Variants in SULT1E1 observed in about 807,000 individuals in gnomAD.
The protein encoded by SULT1E1 is sulfotransferase 1E1.
In SULT1E1, 36 loss-of-function variants were observed where a neutral mutation model predicts 33.6. The observed-to-expected ratio is 1.07, with a 90% CI of 0.82 to 1.41. The LOEUF is 1.41. SULT1E1 is among the 40% of genes most tolerant of loss of function. The pLI, the probability that SULT1E1 is intolerant of heterozygous loss-of-function variation, is 0.00. For synonymous variants in SULT1E1, 121 were observed against 111.7 expected (o/e 1.08, Z -0.53); for missense variants, 371 against 345.7 (o/e 1.07, Z -0.58).
chr4:69,848,857 A>G (rs1258483463), intron 5 of SULT1E1, among the ~76,000 whole-genome samples: 15 of 151,926 alleles, frequency 9.9e-5, no homozygotes, highest in Non-Finnish European at 1.5e-5. Flanking sequence ...CTTTAGTAAA[A>G]GTGTTTAATA....
rs765212740 is a variant in SULT1E1 at position 69,857,650 on chromosome 4, T to G, written c.-6A>C. The G allele has an allele frequency of 1.9e-6, 3 of 1,581,898 alleles. No individual in the cohort carries two copies. The highest frequency in any genetic ancestry group is 1.7e-6 in the Non-Finnish European group (2 of 1,170,288). On this transcript the variant is annotated 5_prime_UTR_variant, in exon 2 of 8. Coordinates refer to ENST00000226444, the MANE Select transcript of SULT1E1 (RefSeq NM_005420.3). ...TAGTCAAGTTCAGAATTCATTGTGGTACACTGAAAAAAAACCTCTGCTTTA... is the reference window on the plus strand; with the variant it reads ...TAGTCAAGTTCAGAATTCATTGTGGGACACTGAAAAAAAACCTCTGCTTTA...
chr4:69,824,102 C>T, the SULT1E1 span, among the ~76,000 whole-genome samples: 3 of 152,248 alleles, frequency 2.0e-5, no homozygotes, highest in Middle Eastern at 3.4e-3. Context: ...AAGTCATTCT[C>T]GGATTTGATA....
At chr4:69,855,818 A>T (rs1047392370) in intron 2 of SULT1E1, among the ~76,000 whole-genome samples, 1 of 152,212 alleles carries the variant, frequency 6.6e-6, no homozygotes, top group Non-Finnish European at 1.5e-5. Flanking sequence ...TAGGTCAGAA[A>T]ACTTAGCAAA....
rs1190952049 is a variant in SULT1E1, at chr4:69,841,660, G to A, written c.*334C>T. 1 of 181,520 alleles carries A rather than the reference G, an allele frequency of 5.5e-6. No homozygotes were observed. Among genetic ancestry groups the A allele is most frequent in the African/African-American group, 2.4e-5 (1 of 41,632 alleles). The allele number at this position is 181,520 out of a possible 1,614,324, so 11.2% of individuals were successfully genotyped here. On this transcript the variant is annotated 3_prime_UTR_variant, in exon 8 of 8. Transcript: ENST00000226444. ...AAGACCAGCCTGGACAATATAATAA[G>A]ACCTCATCTCTACAAAAAAACATTA...
At position 69,857,573 on chromosome 4, in the gene SULT1E1, G is replaced by T; in HGVS notation, c.72C>A (p.Val24=). The change falls in exon 2 of 8, where the codon GTC becomes GTA. Residue 24 remains valine (V), a synonymous_variant. Transcript: ENST00000226444. ...VHGILMYKDF[V]KYWDNVEAFQ... ...ACGCTTCCACATTATCCCAATATTT[G>T]ACAAAATCTTTATACATTAGAATCC... is the stretch of plus-strand genomic sequence containing the variant. 1.2e-6 allele frequency: 2 copies of T among 1,613,130 alleles called. No homozygotes were observed. Among genetic ancestry groups the T allele is most frequent in the Non-Finnish European group, 1.7e-6 (2 of 1,179,704 alleles).
At chr4:69,822,145 G>T in the SULT1E1 span, among the ~76,000 whole-genome samples, 1 of 152,076 alleles carries the variant, frequency 6.6e-6, no homozygotes, top group Non-Finnish European at 1.5e-5. Flanking sequence ...TGTAATTATT[G>T]TGATATAATT....
intron 5 of SULT1E1, 78 bp downstream of exon 5, chr4:69,849,359 T>C (rs745322976): frequency 3.0e-5 from 46 of 1,536,810 alleles, no homozygotes; most frequent in Non-Finnish European, 4.0e-5. Context: ...ACCAGAACAG[T>C]TAAAAACTTT....
At chr4:69,829,062 C>T in the SULT1E1 span, among the ~76,000 whole-genome samples, 647 of 152,254 alleles carry the variant, frequency 4.2e-3, 4 homozygotes, top group African/African-American at 0.012. Context: ...TCTGACTAAT[C>T]GGTGCCAGCT....
chr4:69,846,582 G>T lies in SULT1E1; in HGVS notation c.591+1116C>A, dbSNP rs567993852. 4.0e-5 allele frequency among the ~76,000 whole-genome samples: 6 copies of T among 151,484 alleles called. No homozygotes were observed. The South Asian group carries it at 8.3e-4, about 21-fold the overall frequency. On this transcript the variant is annotated intron_variant, in intron 6 of 7. Transcript: ENST00000226444. ...TAAGAATGCTACTATGAAAATTATT[G>T]AATATCTAACCTAATGTACACAAGT...
At chr4:69,833,037 C>A in the SULT1E1 span, among the ~76,000 whole-genome samples, 2 of 152,154 alleles carry the variant, frequency 1.3e-5, no homozygotes, top group Non-Finnish European at 2.9e-5. Flanking sequence ...CTGCCTAACA[C>A]AGGCAGCTTG....
chr4:69,821,581 T>C, the SULT1E1 span, among the ~76,000 whole-genome samples: 2 of 152,184 alleles, frequency 1.3e-5, no homozygotes, highest in Non-Finnish European at 2.9e-5. Context: ...TCTCTATCAA[T>C]GAAGATCCAT....
rs1578103448 is a variant in SULT1E1, at chr4:69,847,847, A to G, written c.497-55T>C. 5.9e-6 allele frequency: 6 copies of G among 1,017,754 alleles called. No homozygotes were observed. In the Admixed American group the frequency reaches 1.0e-4, roughly 17 times the overall value. The allele number at this position is 1,017,754 out of a possible 1,614,324, so 63.0% of individuals were successfully genotyped here. A position where few individuals can be genotyped will look rare whatever the true frequency, so the allele number is the denominator to read the frequency against. ...GTGGTATCATCTCTAAAACTGCTCGAAAACTAGTGTTCAAGCAACAATAAC... is the reference window on the plus strand; with the variant it reads ...GTGGTATCATCTCTAAAACTGCTCGGAAACTAGTGTTCAAGCAACAATAAC... On this transcript the variant is annotated intron_variant, in intron 5 of 7. Coordinates refer to ENST00000226444, the MANE Select transcript of SULT1E1 (RefSeq NM_005420.3).
Position 69,842,052 on chromosome 4 carries a change from T to C in SULT1E1, c.827A>G (p.Asp276Gly). Residue 276 changes from aspartate (D) to glycine (G), a missense_variant, in exon 8 of 8, where the codon GAT becomes GGT. By Grantham distance (94) the Asp-to-Gly change is moderately conservative. Transcript: ENST00000226444. The part of the protein sequence containing the change: ...HFTVALNEKF[D>G]KHYEQQMKES... ...CTTCATTTGCTGCTCATAATGTTTA[T>C]CAAATTTTTCATTCAGGGCTACTGT... 1 of 1,612,232 alleles carries C rather than the reference T, an allele frequency of 6.2e-7. No homozygotes were observed. Among genetic ancestry groups the C allele is most frequent in the Non-Finnish European group, 8.5e-7 (1 of 1,179,410 alleles).
At chr4:69,842,243 C>G in intron 7 of SULT1E1, 137 bp from the exon 8 acceptor site, 1 of 566,600 alleles carries the variant, frequency 1.8e-6, no homozygotes. Flanking sequence ...AAATGTATAC[C>G]TTTAATGATA....
At chr4:69,847,815 TG>T in intron 5 of SULT1E1, 23 bp from the exon 6 acceptor site, 1 of 1,514,766 alleles carries the variant, frequency 6.6e-7, no homozygotes, top group Non-Finnish European at 9.1e-7. Flanking sequence ...AGAAAAACAG[TG>T]TAAAAGTGGT....
intron 4 of SULT1E1, among the ~76,000 whole-genome samples, chr4:69,851,450 T>C (rs377295367): frequency 3.9e-5 from 6 of 151,962 alleles, no homozygotes; most frequent in Non-Finnish European, 7.4e-5. Flanking sequence ...GTTAGAATGG[T>C]GATCATTAAA....
chr4:69,850,110 C>G (rs1721072088), intron 4 of SULT1E1, among the ~76,000 whole-genome samples: 1 of 151,924 alleles, frequency 6.6e-6, no homozygotes, highest in Non-Finnish European at 1.5e-5. Context: ...CTGCCAACAC[C>G]TTGTTAGTTT....
intron 4 of SULT1E1, among the ~76,000 whole-genome samples, chr4:69,853,258 C>A (rs1353371299): frequency 6.6e-6 from 1 of 152,002 alleles, no homozygotes; most frequent in East Asian, 1.9e-4. Flanking sequence ...TTCATGTTTT[C>A]TCTGTATTTT....
the SULT1E1 span, among the ~76,000 whole-genome samples, chr4:69,831,508 C>T: frequency 6.6e-6 from 1 of 152,202 alleles, no homozygotes; most frequent in Admixed American, 6.5e-5. Context: ...CTCGGCCAGC[C>T]AACTGACACC....
Sources: allele counts gnomAD v4.1 joint callset (sites outside exome capture counted in the v4.1 genomes callset), GRCh38; gene constraint gnomAD v4.1.1; transcripts MANE v1.5; gene names NCBI Gene and HGNC (gene_info 2026-07-23, HGNC 2026-07-21).